FNIP1: variants seen among roughly 807,000 people sequenced by gnomAD.
FNIP1 encodes folliculin-interacting protein 1.
A neutral mutation model predicts 124.5 loss-of-function variants in FNIP1; 40 were observed. The observed-to-expected ratio is 0.32, with a 90% CI of 0.25 to 0.42. FNIP1 has a LOEUF of 0.42. Ranked by LOEUF, FNIP1 falls within the 10% of genes least tolerant of loss-of-function variation. The pLI, the probability that FNIP1 is intolerant of heterozygous loss-of-function variation, is 1.00. For synonymous variants in FNIP1, 472 were observed against 470.6 expected (o/e 1.00, Z -0.04); for missense variants, 1,176 against 1,403.7 (o/e 0.84, Z 2.59).
At chr5:131,749,926 T>C (rs957114337) in intron 1 of FNIP1, among the ~76,000 whole-genome samples, 5 of 152,102 alleles carry the variant, frequency 3.3e-5, no homozygotes, top group African/African-American at 1.2e-4. Context: ...AACAACAAAA[T>C]TGCCTAACAA....
chr5:131,653,574 T>C (rs1182609011), intron 15 of FNIP1, among the ~76,000 whole-genome samples: 2 of 151,366 alleles, frequency 1.3e-5, no homozygotes, highest in African/African-American at 2.4e-5. Context: ...TACAGTTATG[T>C]TTCTAAAAAT....
At chr5:131,708,469 T>C (rs1037308996) in intron 8 of FNIP1, among the ~76,000 whole-genome samples, 1 of 152,158 alleles carries the variant, frequency 6.6e-6, no homozygotes, top group Admixed American at 6.5e-5. Context: ...CTAAAATGCT[T>C]TTCTGAGCTT....
intron 1 of FNIP1, among the ~76,000 whole-genome samples, chr5:131,759,051 G>A (rs1771140443): frequency 6.6e-6 from 1 of 151,956 alleles, no homozygotes; most frequent in African/African-American, 2.4e-5. Context: ...TGGGATAACT[G>A]GCTAGCCTTA....
chr5:131,718,858 A>C, intron 5 of FNIP1, 128 bp downstream of exon 5: 2 of 656,796 alleles, frequency 3.0e-6, no homozygotes, highest in South Asian at 4.3e-5. Context: ...TCTGGCTTCC[A>C]TGAACTTTTA....
chr5:131,699,443 G>C lies in FNIP1; in HGVS notation c.1117-441C>G, dbSNP rs189378676. On this transcript the variant is annotated intron_variant, in intron 10 of 17. Coordinates refer to ENST00000510461, the MANE Select transcript of FNIP1 (RefSeq NM_133372.3). Reference sequence around the variant, plus strand: ...GAGTCTCACTCTGTCACCTAGGCTGGAGTGCAATGGCGCGATCTCGGCTCA... The same window carrying C: ...GAGTCTCACTCTGTCACCTAGGCTGCAGTGCAATGGCGCGATCTCGGCTCA... Among the ~76,000 whole-genome samples the C allele has an allele frequency of 4.6e-3, 693 of 149,746 alleles. 4 individuals carry two copies. Among genetic ancestry groups the C allele is most frequent in the African/African-American group, 0.016 (656 of 40,452 alleles).
At chr5:131,725,840 A>G (rs1376090995) in intron 3 of FNIP1, among the ~76,000 whole-genome samples, 1 of 152,204 alleles carries the variant, frequency 6.6e-6, no homozygotes, top group African/African-American at 2.4e-5. Flanking sequence ...GGTTTGTCAT[A>G]AATAGCTCTT....
At chr5:131,712,650 T>C (rs1769334731) in intron 6 of FNIP1, among the ~76,000 whole-genome samples, 1 of 152,218 alleles carries the variant, frequency 6.6e-6, no homozygotes, top group African/African-American at 2.4e-5. Context: ...AAGGGGGTAT[T>C]AGTGTAATTT....
At chr5:131,678,014 T>G in intron 12 of FNIP1, 142 bp from the exon 13 acceptor site, 2 of 697,930 alleles carry the variant, frequency 2.9e-6, no homozygotes, top group Non-Finnish European at 4.6e-6. Flanking sequence ...GAGGAAAGGA[T>G]GAGTATATAA....
chr5:131,733,172 T>C (rs1342205491), intron 2 of FNIP1, among the ~76,000 whole-genome samples: 4 of 152,244 alleles, frequency 2.6e-5, no homozygotes, highest in African/African-American at 4.8e-5. Context: ...TTTTTGCACA[T>C]TGATTTTGTA....
Position 131,758,179 on chromosome 5 carries a change from G to A in FNIP1, c.93-13489C>T, listed in dbSNP as rs1293323234. 2.0e-5 allele frequency among the ~76,000 whole-genome samples: 3 copies of A among 152,230 alleles called. No homozygotes were observed. The South Asian group carries it at 6.2e-4, about 32-fold the overall frequency. ...CACAACAGAGTGGCTCTTTTAATAG[G>A]CAAATAAGTTTAAATGGTAATAGTC... On this transcript the variant is annotated intron_variant, in intron 1 of 17. Coordinates refer to ENST00000510461, the MANE Select transcript of FNIP1 (RefSeq NM_133372.3).
In FNIP1 at chr5:131,679,152, G is replaced by T; in HGVS notation, c.1226C>A (p.Thr409Lys). 6.3e-7 allele frequency: 1 copy of T among 1,591,666 alleles called. No individual in the cohort carries two copies. The highest frequency in any genetic ancestry group is 1.7e-5 in the Admixed American group (1 of 59,634). Residue 409 changes from threonine (T) to lysine (K), a missense_variant, in exon 12 of 18, where the codon ACG becomes AAG. Physicochemically the swap from Thr to Lys is moderately conservative, Grantham distance 78. Transcript: ENST00000510461. The stretch of plus-strand genomic sequence containing the variant: ...GACAGGTTCTCCAATTCGTGGCATC[G>T]TGTAAAGATTACAAATTGTTGTTCT... ...EFRTTICNLY[T>K]MPRIGEPVWL... is the part of the protein sequence containing the mutation.
In FNIP1 at chr5:131,782,954, C is replaced by T. The variant is rs80248566; in HGVS notation, c.92+13876G>A. 6.5e-3 allele frequency among the ~76,000 whole-genome samples: 994 copies of T among 152,326 alleles called. 8 individuals are homozygous for T. The highest frequency in any genetic ancestry group is 0.022 in the African/African-American group (922 of 41,572). On this transcript the variant is annotated intron_variant, in intron 1 of 17. Transcript: ENST00000510461. ...CTGGGATTACAGGCGTGAGCCACCG[C>T]GCCTGGTCCGTTTCTTAAGTATTTC...
At chr5:131,705,952 G>T (rs944773947) in intron 9 of FNIP1, among the ~76,000 whole-genome samples, 1 of 152,058 alleles carries the variant, frequency 6.6e-6, no homozygotes, top group Non-Finnish European at 1.5e-5. Flanking sequence ...CTACAACATC[G>T]ATAAACCTTG....
chr5:131,676,227 A>G (rs542977396), intron 13 of FNIP1, among the ~76,000 whole-genome samples: 110 of 152,126 alleles, frequency 7.2e-4, no homozygotes, highest in Admixed American at 2.8e-3. Flanking sequence ...TTAAGCCAGG[A>G]TGGTCTCGAT....
At chr5:131,665,587 T>G (rs988831999) in intron 15 of FNIP1, among the ~76,000 whole-genome samples, 2 of 149,958 alleles carry the variant, frequency 1.3e-5, no homozygotes, top group African/African-American at 2.4e-5. Context: ...TATATATATA[T>G]AGATAGGTTT....
intron 2 of FNIP1, 22 bp downstream of exon 2, chr5:131,744,542 C>A: frequency 6.4e-7 from 1 of 1,571,572 alleles, no homozygotes; most frequent in Non-Finnish European, 8.6e-7. Context: ...TAAAAGTCAA[C>A]CAAATCAATA....
chr5:131,763,829 C>T (rs757221310), intron 1 of FNIP1, among the ~76,000 whole-genome samples: 12 of 152,284 alleles, frequency 7.9e-5, no homozygotes, highest in African/African-American at 9.6e-5. Flanking sequence ...GAAACAACTG[C>T]GAGCATATGG....
Position 131,773,134 on chromosome 5 carries a change from T to C in FNIP1, c.92+23696A>G, listed in dbSNP as rs185644195. ...ACTTCATCCAACCTGAAAATTCCAA[T>C]GTATACTAAATTTAGAATACAGCTC... On this transcript the variant is annotated intron_variant, in intron 1 of 17. Transcript: ENST00000510461. Among the ~76,000 whole-genome samples, 31 of 152,336 alleles carry C rather than the reference T, an allele frequency of 2.0e-4. No individual in the cohort carries two copies. In the East Asian group the frequency reaches 3.9e-3, roughly 19 times the overall value.
At chr5:131,692,947 G>A (rs1768530389) in intron 11 of FNIP1, among the ~76,000 whole-genome samples, 1 of 151,772 alleles carries the variant, frequency 6.6e-6, no homozygotes, top group African/African-American at 2.4e-5. Flanking sequence ...GGTGGAAGTT[G>A]TAGTGAACCA....
Sources: allele counts gnomAD v4.1 joint callset (sites outside exome capture counted in the v4.1 genomes callset), GRCh38; gene constraint gnomAD v4.1.1; transcripts MANE v1.5; gene names NCBI Gene and HGNC (gene_info 2026-07-23, HGNC 2026-07-21).